Variants in SUPV3L1 observed in about 807,000 individuals in gnomAD.
The protein encoded by SUPV3L1 is ATP-dependent RNA helicase SUPV3L1, mitochondrial.
A neutral mutation model predicts 70.0 loss-of-function variants in SUPV3L1; 35 were observed. That is an observed-to-expected ratio of 0.50 (90% confidence interval 0.38 to 0.66). SUPV3L1 has a LOEUF of 0.66. Among genes scored for constraint, SUPV3L1 ranks in the 30% least tolerant of loss-of-function variants. The pLI is 0.00. For synonymous variants in SUPV3L1, 364 were observed against 341.9 expected, an observed-to-expected ratio of 1.06 and a Z score of -0.71; for missense variants, 777 against 961.5, an observed-to-expected ratio of 0.81 and a Z score of 2.54.
intron 7 of SUPV3L1, among the ~76,000 whole-genome samples, chr10:69,196,263 T>G (rs1842539281): frequency 6.6e-6 from 1 of 152,038 alleles, no homozygotes; most frequent in Admixed American, 6.6e-5. Context: ...AGGCCGAGGC[T>G]GGCCGATTGC....
rs568306523 is a variant in SUPV3L1, at chr10:69,180,399, C to T, written c.108C>T (p.Pro36=). The change falls in exon 1 of 15, where the codon CCC becomes CCT. Residue 36 remains proline (P), a synonymous_variant. Transcript: ENST00000359655. ...TTCGTCCCCACTTTGGGCCCTTTCC[C>T]GGGGTTCTGGGGCAAGTTTCTGTCC... The part of the protein sequence containing the change: ...SALRPHFGPF[P]GVLGQVSVLA... The T allele has an allele frequency of 6.2e-7, 1 of 1,614,250 alleles. No homozygotes were observed. Among genetic ancestry groups the T allele is most frequent in the African/African-American group, 1.3e-5 (1 of 75,070 alleles).
intron 1 of SUPV3L1, among the ~76,000 whole-genome samples, chr10:69,183,064 C>T (rs1323793685): frequency 1.3e-5 from 2 of 152,186 alleles, no homozygotes; most frequent in Non-Finnish European, 2.9e-5. Context: ...TTCTTACACA[C>T]ACCTCACCTT....
chr10:69,208,592 T>C lies in SUPV3L1; in HGVS notation c.1926-8T>C. 1 of 1,608,224 alleles carries C rather than the reference T, an allele frequency of 6.2e-7. No homozygotes were observed. Among genetic ancestry groups the C allele is most frequent in the Non-Finnish European group, 8.5e-7 (1 of 1,175,764 alleles). ...TGTTGCTATAATGCTAATGTGTCTT[T>C]TTCCCAGCTACCGATTTATGGATAT... On this transcript the variant is annotated splice_region_variant and splice_polypyrimidine_tract_variant and intron_variant, in intron 14 of 14. Transcript: ENST00000359655.
intron 5 of SUPV3L1, 130 bp downstream of exon 5, chr10:69,189,565 C>A: frequency 4.7e-6 from 4 of 843,678 alleles, no homozygotes; most frequent in South Asian, 2.8e-5. Context: ...AAGAGGCTGT[C>A]AATTGTAAGA....
At chr10:69,182,328 G>A (rs1040743652) in intron 1 of SUPV3L1, among the ~76,000 whole-genome samples, 1 of 151,970 alleles carries the variant, frequency 6.6e-6, no homozygotes, top group Non-Finnish European at 1.5e-5. Context: ...TAGTTCACTA[G>A]CGTTAAGTAT....
intron 2 of SUPV3L1, 33 bp from the exon 3 acceptor site, chr10:69,186,410 C>T: frequency 1.3e-6 from 2 of 1,489,298 alleles, no homozygotes; most frequent in Non-Finnish European, 1.9e-6. Flanking sequence ...ATGAGAACTA[C>T]ACCTTACATC....
chr10:69,199,099 T>C lies in SUPV3L1; in HGVS notation c.1205-5T>C. On this transcript the variant is annotated splice_polypyrimidine_tract_variant and splice_region_variant and intron_variant, in intron 9 of 14. Transcript: ENST00000359655. ...CTGATTTAACATAAATTGTTCTTGT[T>C]TTAGGGACCAAACTTGCTCAAGCAA... 1.2e-6 allele frequency: 2 copies of C among 1,607,442 alleles called. No individual in the cohort carries two copies. Among genetic ancestry groups the C allele is most frequent in the East Asian group, 2.2e-5 (1 of 44,762 alleles).
chr10:69,205,735 A>G (rs1208192721), intron 13 of SUPV3L1, among the ~76,000 whole-genome samples: 1 of 152,142 alleles, frequency 6.6e-6, no homozygotes, highest in Admixed American at 6.5e-5. Flanking sequence ...GGGTTTCACC[A>G]TGTTGGCCAG....
In SUPV3L1 at chr10:69,209,067, A is replaced by G; in HGVS notation, c.*32A>G. ...GTTCCTGTTTTTTTTTTTTTATTTA[A>G]TTTTGCAAATAAAAATTTATTTTGA... is the stretch of plus-strand genomic sequence containing the variant. On this transcript the variant is annotated 3_prime_UTR_variant, in exon 15 of 15. Coordinates refer to ENST00000359655, the MANE Select transcript of SUPV3L1 (RefSeq NM_003171.5). The G allele has an allele frequency of 6.7e-7, 1 of 1,495,766 alleles. No homozygotes were observed. Among genetic ancestry groups the G allele is most frequent in the Non-Finnish European group, 8.9e-7 (1 of 1,122,864 alleles). 92.7% of individuals were successfully genotyped at this position (1,495,766 alleles called of 1,614,324 possible).
chr10:69,183,764 T>G (rs1221956622), intron 1 of SUPV3L1, among the ~76,000 whole-genome samples: 1 of 152,162 alleles, frequency 6.6e-6, no homozygotes, highest in Non-Finnish European at 1.5e-5. Flanking sequence ...TGGGTTTTAG[T>G]GTATTTGCAG....
intron 1 of SUPV3L1, among the ~76,000 whole-genome samples, chr10:69,181,675 T>A (rs938782683): frequency 6.6e-6 from 1 of 152,130 alleles, no homozygotes; most frequent in Non-Finnish European, 1.5e-5. Context: ...CATCACATGG[T>A]GGAAGGTGGA....
Position 69,198,542 on chromosome 10 carries a change from T to G in SUPV3L1, c.1194T>G (p.Ser398Arg). ...RGLESAVIYGSLPPGTKLAQA... is the reference protein window; with the variant it reads ...RGLESAVIYGRLPPGTKLAQA... ...TAGAATCAGCTGTTATATATGGCAGTCTCCCACCTGGTAATTATTGACTTT... is the reference window on the plus strand; with the variant it reads ...TAGAATCAGCTGTTATATATGGCAGGCTCCCACCTGGTAATTATTGACTTT... Residue 398 changes from serine (S) to arginine (R), a missense_variant, in exon 9 of 15, where the codon AGT becomes AGG. Ser to Arg is a moderately radical substitution (Grantham distance 110). Around this residue, in one of 2 missense-constraint regions of SUPV3L1, gnomAD observed 619 missense variants for 823.3 expected, o/e 0.75. Transcript: ENST00000359655. The G allele has an allele frequency of 6.2e-7, 1 of 1,613,522 alleles. No homozygotes were observed.
chr10:69,200,188 C>A (rs1842648897), intron 10 of SUPV3L1, 92 bp from the exon 11 acceptor site: 2 of 1,034,944 alleles, frequency 1.9e-6, no homozygotes, highest in African/African-American at 3.2e-5. Context: ...GCAAGAGGAC[C>A]TAAGCTAGTA....
At position 69,203,026 on chromosome 10, in the gene SUPV3L1, T is replaced by A. The variant is rs776689060; in HGVS notation, c.1759T>A (p.Cys587Ser). The A allele has an allele frequency of 2.5e-6, 4 of 1,612,354 alleles. No homozygotes were observed. In the Admixed American group the frequency reaches 6.7e-5, roughly 27 times the overall value. ...APINKKQPFVCSSLLQFARQY... is the reference protein window; with the variant it reads ...APINKKQPFVSSSLLQFARQY... ...TATCAACAAGAAGCAGCCTTTTGTGTGTTCTTCACTGTTACAGGTAAGCCT... is the reference window on the plus strand; with the variant it reads ...TATCAACAAGAAGCAGCCTTTTGTGAGTTCTTCACTGTTACAGGTAAGCCT... The change falls in exon 13 of 15, where the codon TGT becomes AGT. Residue 587 changes from cysteine (C) to serine (S), a missense_variant. By Grantham distance (112) the Cys-to-Ser change is moderately radical (BLOSUM62 -1). Coordinates refer to ENST00000359655, the MANE Select transcript of SUPV3L1 (RefSeq NM_003171.5).
In SUPV3L1 at chr10:69,202,493, C is replaced by T. The variant is rs753621313; in HGVS notation, c.1573C>T (p.Pro525Ser). 6.2e-7 allele frequency: 1 copy of T among 1,613,596 alleles called. No individual in the cohort carries two copies. The highest frequency in any genetic ancestry group is 8.5e-7 in the Non-Finnish European group (1 of 1,179,678). ...GATTGAAATGTTTGCCTACCATCTCCCTGATGCAACACTGTCCAATCTCAT... is the reference window on the plus strand; with the variant it reads ...GATTGAAATGTTTGCCTACCATCTCTCTGATGCAACACTGTCCAATCTCAT... Reference protein sequence around the residue: ...EQIEMFAYHLPDATLSNLIDI... With the variant: ...EQIEMFAYHLSDATLSNLIDI... Residue 525 changes from proline (P) to serine (S), a missense_variant, in exon 12 of 15, where the codon CCT becomes TCT. Around this residue, in one of 2 missense-constraint regions of SUPV3L1, gnomAD observed 619 missense variants for 823.3 expected, o/e 0.75. Coordinates refer to ENST00000359655, the MANE Select transcript of SUPV3L1 (RefSeq NM_003171.5).
At chr10:69,186,953 G>A (rs1034614855) in intron 3 of SUPV3L1, among the ~76,000 whole-genome samples, 4 of 152,126 alleles carry the variant, frequency 2.6e-5, no homozygotes, top group Non-Finnish European at 5.9e-5. Context: ...CTTTGGTTAT[G>A]TATTTGACTC....
intron 1 of SUPV3L1, chr10:69,182,441 A>G (rs1210368560): frequency 1.2e-6 from 1 of 821,352 alleles, no homozygotes; most frequent in Non-Finnish European, 1.5e-6. Context: ...ATTTTATATT[A>G]TTTGAAGGCA....
intron 2 of SUPV3L1, 104 bp from the exon 3 acceptor site, chr10:69,186,339 A>AG: frequency 3.0e-6 from 2 of 671,772 alleles, no homozygotes; most frequent in Non-Finnish European, 2.4e-6. Flanking sequence ...AAAAAAAAAA[A>AG]AAAAAGAAAA....
At chr10:69,182,725 C>G (rs1842098618) in intron 1 of SUPV3L1, 23 of 968,606 alleles carry the variant, frequency 2.4e-5, no homozygotes, top group Non-Finnish European at 2.8e-5. Context: ...TTCAGCATGG[C>G]AGGAGGGGCT....
Sources: allele counts gnomAD v4.1 joint callset (sites outside exome capture counted in the v4.1 genomes callset), GRCh38; gene constraint gnomAD v4.1.1; regional missense constraint gnomAD v4.1.1; transcripts MANE v1.5; gene names NCBI Gene and HGNC (gene_info 2026-07-23, HGNC 2026-07-21).